The following ULK4 variants were observed in gnomAD, a reference collection of about 807,000 sequenced individuals.
The protein encoded by ULK4 is inactive serine/threonine-protein kinase ULK4.
In ULK4, 133 loss-of-function variants were observed where a neutral mutation model predicts 160.6. The observed-to-expected ratio is 0.83, with a 90% CI of 0.72 to 0.96. The LOEUF is 0.96. Ranked by LOEUF, ULK4 falls within the 40% of genes least tolerant of loss-of-function variation. The pLI, the probability that ULK4 is intolerant of heterozygous loss-of-function variation, is 0.00. For missense variants in ULK4, 1,580 were observed against 1,499.5 expected (o/e 1.05, Z -0.89); for synonymous variants, 534 against 539.8 (o/e 0.99, Z 0.15).
chr3:41,462,935 CAAAG>C, intron 33 of ULK4, 148 bp downstream of exon 33: 1 of 944,498 alleles, frequency 1.1e-6, no homozygotes, highest in Non-Finnish European at 1.5e-6. Context: ...ATTGGTCACC[CAAAG>C]ATGACTCTTC....
chr3:41,601,788 G>C (rs1559425120), intron 31 of ULK4, among the ~76,000 whole-genome samples: 1 of 152,176 alleles, frequency 6.6e-6, no homozygotes, highest in Non-Finnish European at 1.5e-5. Context: ...CCAAAAGAAG[G>C]AAAGTCTGAG....
chr3:41,373,295 C>A (rs549318869), intron 35 of ULK4, among the ~76,000 whole-genome samples: 1 of 152,170 alleles, frequency 6.6e-6, no homozygotes, highest in East Asian at 1.9e-4. Flanking sequence ...ACCTAATAGA[C>A]CTCTACAGAA....
At chr3:41,299,948 G>A (rs555823834) in intron 35 of ULK4, among the ~76,000 whole-genome samples, 2 of 152,250 alleles carry the variant, frequency 1.3e-5, no homozygotes, top group East Asian at 1.9e-4. Flanking sequence ...ATTTCTTTAT[G>A]AGAGATTCTT....
intron 2 of ULK4, among the ~76,000 whole-genome samples, chr3:41,949,595 G>T (rs1477211144): frequency 6.6e-6 from 1 of 151,048 alleles, no homozygotes; most frequent in Non-Finnish European, 1.5e-5. Flanking sequence ...ACCACACCTG[G>T]CTAATTTTTA....
chr3:41,403,338 G>A (rs1187216814), intron 34 of ULK4, among the ~76,000 whole-genome samples: 2 of 152,032 alleles, frequency 1.3e-5, no homozygotes, highest in Non-Finnish European at 2.9e-5. Context: ...GGTAGTTTTG[G>A]AAGAATTGGC....
intron 21 of ULK4, among the ~76,000 whole-genome samples, chr3:41,780,303 TG>T (rs2039791655): frequency 6.6e-6 from 1 of 151,992 alleles, no homozygotes; most frequent in African/African-American, 2.4e-5. Context: ...GACCCCACCC[TG>T]GGTCAAAAAT....
intron 35 of ULK4, among the ~76,000 whole-genome samples, chr3:41,286,114 C>T (rs982414882): frequency 3.9e-5 from 6 of 152,100 alleles, no homozygotes; most frequent in South Asian, 2.1e-4. Context: ...TTGATGCACA[C>T]GCTAATAGGC....
intron 35 of ULK4, among the ~76,000 whole-genome samples, chr3:41,302,474 G>C (rs531912080): frequency 4.7e-4 from 72 of 152,248 alleles, no homozygotes; most frequent in African/African-American, 1.7e-3. Flanking sequence ...ACAGAAGAAT[G>C]GATGGTTGAC....
chr3:41,266,342 A>G (rs1003938784), intron 35 of ULK4, among the ~76,000 whole-genome samples: 1 of 152,206 alleles, frequency 6.6e-6, no homozygotes, highest in African/African-American at 2.4e-5. Context: ...CTGAATCTCT[A>G]ATGGGTGAAG....
intron 35 of ULK4, among the ~76,000 whole-genome samples, chr3:41,377,550 A>C (rs1358656013): frequency 2.7e-5 from 4 of 147,928 alleles, no homozygotes; most frequent in Non-Finnish European, 5.9e-5. Context: ...AACCCCATCA[A>C]AAAGTGGGCA....
At chr3:41,456,619 C>A (rs145895545) in intron 33 of ULK4, among the ~76,000 whole-genome samples, 5 of 152,286 alleles carry the variant, frequency 3.3e-5, no homozygotes, top group Admixed American at 6.5e-5. Context: ...AAGGAGATTT[C>A]TATCATAGAG....
At chr3:41,806,748 A>G (rs2040654978) in intron 19 of ULK4, among the ~76,000 whole-genome samples, 1 of 152,174 alleles carries the variant, frequency 6.6e-6, no homozygotes, top group Non-Finnish European at 1.5e-5. Context: ...AACCAGGACA[A>G]AAAGGAACTA....
intron 34 of ULK4, among the ~76,000 whole-genome samples, chr3:41,403,783 GAT>G (rs1367155516): frequency 2.6e-5 from 4 of 152,048 alleles, no homozygotes; most frequent in Non-Finnish European, 5.9e-5. Context: ...TACGTATTTT[GAT>G]ATGTTTTCAT....
chr3:41,377,890 C>T (rs1245032548), intron 35 of ULK4, among the ~76,000 whole-genome samples: 2 of 149,776 alleles, frequency 1.3e-5, no homozygotes, highest in Non-Finnish European at 2.9e-5. Flanking sequence ...ACCCAAAGGA[C>T]TATAAATCAT....
At chr3:41,836,835 C>T (rs2041772771) in intron 17 of ULK4, among the ~76,000 whole-genome samples, 1 of 152,128 alleles carries the variant, frequency 6.6e-6, no homozygotes, top group Admixed American at 6.5e-5. Context: ...ATCACATACA[C>T]TCATTGCCAG....
intron 1 of ULK4, among the ~76,000 whole-genome samples, chr3:41,958,226 G>T (rs904176875): frequency 2.6e-4 from 40 of 152,028 alleles, no homozygotes; most frequent in Admixed American, 2.6e-4. Flanking sequence ...GCTGATACAT[G>T]GATAAGCAAA....
intron 2 of ULK4, among the ~76,000 whole-genome samples, chr3:41,950,314 C>T (rs1245413303): frequency 6.6e-6 from 1 of 152,118 alleles, no homozygotes; most frequent in Non-Finnish European, 1.5e-5. Context: ...AATCTTGGCT[C>T]ACTGCAACCT....
intron 7 of ULK4, among the ~76,000 whole-genome samples, chr3:41,917,545 T>C (rs7617397): frequency 0.68 from 103,679 of 152,026 alleles, 39,011 homozygotes; most frequent in East Asian, 0.83. Context: ...ACTTTAACAA[T>C]GTATAGCAAA....
At chr3:41,857,632 T>C (rs1323840316) in intron 17 of ULK4, among the ~76,000 whole-genome samples, 1 of 152,316 alleles carries the variant, frequency 6.6e-6, no homozygotes, top group Non-Finnish European at 1.5e-5. Context: ...ATTATGACTT[T>C]GATCTCATTA....
Sources: allele counts gnomAD v4.1 joint callset (sites outside exome capture counted in the v4.1 genomes callset), GRCh38; gene constraint gnomAD v4.1.1; transcripts MANE v1.5; gene names NCBI Gene and HGNC (gene_info 2026-07-23, HGNC 2026-07-21).